PTPRG: variants seen among roughly 807,000 people sequenced by gnomAD.
The protein encoded by PTPRG is receptor-type tyrosine-protein phosphatase gamma.
Under a neutral mutation model 165.3 loss-of-function variants are expected in PTPRG, and 102 were observed. The observed-to-expected ratio is 0.62, with a 90% confidence interval of 0.53 to 0.73. PTPRG has a LOEUF of 0.73. Ranked by LOEUF, PTPRG falls within the 30% of genes least tolerant of loss-of-function variation. The pLI is 0.00. For missense variants in PTPRG, 1,866 were observed against 1,861.4 expected, an observed-to-expected ratio of 1.00 and a Z score of -0.05; for synonymous variants, 675 against 669.5, an observed-to-expected ratio of 1.01 and a Z score of -0.13.
intron 4 of PTPRG, among the ~76,000 whole-genome samples, chr3:62,015,435 A>G (rs973400155): frequency 3.3e-5 from 5 of 150,344 alleles, no homozygotes; most frequent in African/African-American, 1.0e-4. Context: ...GGAAATTGTT[A>G]GAATGTTTTC....
chr3:61,681,643 A>G (rs776673769), intron 1 of PTPRG, among the ~76,000 whole-genome samples: 26 of 152,200 alleles, frequency 1.7e-4, no homozygotes, highest in Non-Finnish European at 3.8e-4. Context: ...ATAAGGACTC[A>G]TGCCCCATGG....
intron 2 of PTPRG, among the ~76,000 whole-genome samples, chr3:61,827,817 T>C (rs1486880149): frequency 6.6e-6 from 1 of 152,196 alleles, no homozygotes; most frequent in Middle Eastern, 3.2e-3. Context: ...ATACAGTTAC[T>C]TTAGAGATCT....
intron 2 of PTPRG, among the ~76,000 whole-genome samples, chr3:61,954,719 A>G (rs1332569475): frequency 3.3e-5 from 5 of 152,098 alleles, no homozygotes; most frequent in African/African-American, 1.2e-4. Context: ...TACATCCATT[A>G]TTTTTCCTTA....
At chr3:61,905,490 A>ACTTT (rs1185333606) in intron 2 of PTPRG, among the ~76,000 whole-genome samples, 1 of 152,102 alleles carries the variant, frequency 6.6e-6, no homozygotes, top group Non-Finnish European at 1.5e-5. Flanking sequence ...GCTGTATTGA[A>ACTTT]CTTTTCATTT....
chr3:62,173,996 C>T (rs1163663280), intron 8 of PTPRG, among the ~76,000 whole-genome samples: 3 of 152,144 alleles, frequency 2.0e-5, no homozygotes, highest in Non-Finnish European at 4.4e-5. Context: ...GCTCTAGTTG[C>T]AGTAAATGGA....
chr3:62,150,485 C>G (rs1424414936), intron 6 of PTPRG, among the ~76,000 whole-genome samples: 1 of 152,198 alleles, frequency 6.6e-6, no homozygotes, highest in African/African-American at 2.4e-5. Context: ...ACAAGCTTCC[C>G]AGATGATTTG....
chr3:62,019,260 C>T (rs558790511), intron 4 of PTPRG, among the ~76,000 whole-genome samples: 66 of 152,326 alleles, frequency 4.3e-4, no homozygotes, highest in Non-Finnish European at 7.9e-4. Flanking sequence ...TAGTAGCTCA[C>T]ACTTGTAATC....
chr3:61,659,046 T>A (rs1189524471), intron 1 of PTPRG, among the ~76,000 whole-genome samples: 151 of 152,152 alleles, frequency 9.9e-4, no homozygotes, highest in Non-Finnish European at 1.8e-3. Context: ...CTCCTGCCCC[T>A]GCCCCTGCCC....
At chr3:61,907,681 T>C (rs537210915) in intron 2 of PTPRG, among the ~76,000 whole-genome samples, 3 of 152,280 alleles carry the variant, frequency 2.0e-5, no homozygotes, top group East Asian at 1.9e-4. Flanking sequence ...ATGATAACGA[T>C]TGGCCTGGAA....
In PTPRG at chr3:62,271,535, C is replaced by T; in HGVS notation, c.3162C>T (p.Gly1054=). 6.2e-7 allele frequency: 1 copy of T among 1,613,280 alleles called. No homozygotes were observed. Among genetic ancestry groups the T allele is most frequent in the Non-Finnish European group, 8.5e-7 (1 of 1,179,518 alleles). Residue 1054 remains glycine, a synonymous_variant, in exon 21 of 30, where the codon GGC becomes GGT. Transcript: ENST00000474889. The surrounding 1 kb of genome is among the most constrained non-coding windows in gnomAD (Gnocchi z 4.1). ...RSSAARMPET[G]PVLVHCSAGV... ...CAGCAGCTCGGATGCCAGAAACGGGCCCTGTGTTGGTGCACTGCAGGTAGG... is the reference window on the plus strand; with the variant it reads ...CAGCAGCTCGGATGCCAGAAACGGGTCCTGTGTTGGTGCACTGCAGGTAGG...
intron 21 of PTPRG, 118 bp from the exon 22 acceptor site, chr3:62,272,828 C>A: frequency 8.4e-7 from 1 of 1,190,778 alleles, no homozygotes; most frequent in Non-Finnish European, 1.1e-6. Flanking sequence ...CAGAGTGAAA[C>A]TCCATCTCAT....
At chr3:61,737,959 A>G (rs564498516) in intron 1 of PTPRG, among the ~76,000 whole-genome samples, 9 of 147,432 alleles carry the variant, frequency 6.1e-5, no homozygotes, top group African/African-American at 2.3e-4. Context: ...CCCAGGCTGG[A>G]GTGCAGTGGC....
At chr3:62,272,633 C>G (rs1257393366) in intron 21 of PTPRG, among the ~76,000 whole-genome samples, 2 of 152,066 alleles carry the variant, frequency 1.3e-5, no homozygotes, top group Admixed American at 6.6e-5. Flanking sequence ...CACCTGAGGT[C>G]AGGAGTTCGA....
chr3:61,741,122 G>C (rs2032965062), intron 1 of PTPRG, among the ~76,000 whole-genome samples: 1 of 152,160 alleles, frequency 6.6e-6, no homozygotes, highest in African/African-American at 2.4e-5. Context: ...ACTATTGTGT[G>C]GGATTTAATG....
chr3:61,749,098 G>T (rs551398743), intron 2 of PTPRG, 116 bp downstream of exon 2: 4 of 873,138 alleles, frequency 4.6e-6, no homozygotes, highest in African/African-American at 3.3e-5. Flanking sequence ...CAAATCTTTC[G>T]TAGTTCACTA....
At position 61,806,864 on chromosome 3, in the gene PTPRG, C is replaced by T. The variant is rs141351198; in HGVS notation, c.190+57882C>T. Among the ~76,000 whole-genome samples the T allele has an allele frequency of 2.4e-4, 37 of 152,260 alleles. No homozygotes were observed. The East Asian group carries it at 6.6e-3, about 27-fold the overall frequency. On this transcript the variant is annotated intron_variant, in intron 2 of 29. Transcript: ENST00000474889. ...GGGATGGAAATTAGGTTTCATACTC[C>T]GTGGCTTGTGTACCCCTCTAAGTTC... is the stretch of plus-strand genomic sequence containing the variant.
In PTPRG at chr3:61,585,019, G is replaced by A. The variant is rs149792511; in HGVS notation, c.85+22647G>A. Reference sequence around the variant, plus strand: ...AATTCAGCTGGGTGTGGTGGTTCACGCCTGTAATCCCAGCACTTTGGGAGG... The same window carrying A: ...AATTCAGCTGGGTGTGGTGGTTCACACCTGTAATCCCAGCACTTTGGGAGG... On this transcript the variant is annotated intron_variant, in intron 1 of 29. Transcript: ENST00000474889. 4.6e-5 allele frequency among the ~76,000 whole-genome samples: 7 copies of A among 152,252 alleles called. No individual in the cohort carries two copies. The East Asian group carries it at 1.4e-3, about 29-fold the overall frequency.
chr3:62,105,491 CTAGCATAGACA>C (rs530191384), intron 5 of PTPRG, among the ~76,000 whole-genome samples: 115 of 152,120 alleles, frequency 7.6e-4, no homozygotes, highest in African/African-American at 2.6e-3. Context: ...TGAAGATCTC[CTAGCATAGACA>C]TAGCATAGAA....
intron 6 of PTPRG, among the ~76,000 whole-genome samples, chr3:62,140,240 T>C (rs952889803): frequency 6.6e-6 from 1 of 152,180 alleles, no homozygotes; most frequent in Admixed American, 6.5e-5. Flanking sequence ...ACGTTACACA[T>C]GCACCCCGCC....
Sources: allele counts gnomAD v4.1 joint callset (sites outside exome capture counted in the v4.1 genomes callset), GRCh38; gene constraint gnomAD v4.1.1; non-coding constraint Gnocchi (gnomAD v3.1); transcripts MANE v1.5; gene names NCBI Gene and HGNC (gene_info 2026-07-23, HGNC 2026-07-21).